FAM168A: variants seen among roughly 807,000 people sequenced by gnomAD.
FAM168A encodes the protein family with sequence similarity 168 member A, also known as protein FAM168A.
A neutral mutation model predicts 28.5 loss-of-function variants in FAM168A; 3 were observed. That is an observed-to-expected ratio of 0.11 (90% CI 0.05 to 0.27). The LOEUF (loss-of-function observed/expected upper bound fraction) is 0.27, where lower values mean the gene tolerates loss of function less well. Ranked by LOEUF, FAM168A falls within the 10% of genes least tolerant of loss-of-function variation. The pLI, the probability that FAM168A is intolerant of heterozygous loss-of-function variation, is 1.00. For missense variants in FAM168A, 222 were observed against 311.5 expected, an observed-to-expected ratio of 0.71 and a Z score of 2.16; for synonymous variants, 122 against 124.2, an observed-to-expected ratio of 0.98 and a Z score of 0.12.
At chr11:73,549,032 C>A (rs372919031) in intron 1 of FAM168A, among the ~76,000 whole-genome samples, 28 of 152,302 alleles carry the variant, frequency 1.8e-4, no homozygotes, top group African/African-American at 5.5e-4. Context: ...ACCTCCACCC[C>A]CCGAGTTCAA....
At chr11:73,492,537 G>C (rs373253165) in intron 1 of FAM168A, among the ~76,000 whole-genome samples, 4 of 152,236 alleles carry the variant, frequency 2.6e-5, no homozygotes, top group South Asian at 2.1e-4. Flanking sequence ...AGCTACACGG[G>C]GGGCTGAGGC....
intron 2 of FAM168A, among the ~76,000 whole-genome samples, chr11:73,463,839 A>T (rs770006232): frequency 2.0e-5 from 3 of 152,264 alleles, no homozygotes; most frequent in Non-Finnish European, 2.9e-5. Context: ...AAAAGGGTCC[A>T]CAAGGAGATT....
At chr11:73,520,698 G>T (rs1444399913) in intron 1 of FAM168A, among the ~76,000 whole-genome samples, 1 of 152,054 alleles carries the variant, frequency 6.6e-6, no homozygotes. Context: ...AATCAATGCT[G>T]TCACCAAAGG....
intron 1 of FAM168A, among the ~76,000 whole-genome samples, chr11:73,566,542 C>T (rs556086388): frequency 6.6e-6 from 1 of 152,262 alleles, no homozygotes; most frequent in South Asian, 2.1e-4. Flanking sequence ...TAGGGCTACA[C>T]TTGATTGCCA....
intron 1 of FAM168A, among the ~76,000 whole-genome samples, chr11:73,493,431 G>C (rs1854799040): frequency 6.6e-6 from 1 of 152,084 alleles, no homozygotes; most frequent in South Asian, 2.1e-4. Context: ...TTGTGTTTTT[G>C]AGACTGGGTC....
intron 1 of FAM168A, among the ~76,000 whole-genome samples, chr11:73,539,275 A>G (rs1041105356): frequency 6.6e-6 from 1 of 151,782 alleles, no homozygotes; most frequent in Admixed American, 6.6e-5. Context: ...TTATTTTTTT[A>G]TTTTTATTTT....
At position 73,452,843 on chromosome 11, in the gene FAM168A, T is replaced by C. The variant is rs143555696; in HGVS notation, c.70+15562A>G. On this transcript the variant is annotated intron_variant, in intron 2 of 7. Coordinates refer to ENST00000356467, the MANE Select transcript of FAM168A (RefSeq NM_015159.3). The stretch of plus-strand genomic sequence containing the variant: ...AATAATAAGTAAAATAATGACATAA[T>C]TCTCAAACTGGGTACAGGAACTCCT... Among the ~76,000 whole-genome samples the C allele has an allele frequency of 6.9e-3, 1,046 of 151,758 alleles. 13 individuals are homozygous for C. The highest frequency in any genetic ancestry group is 0.022 in the African/African-American group (914 of 41,288).
intron 1 of FAM168A, among the ~76,000 whole-genome samples, chr11:73,496,873 TCACACACA>T (rs71065011): frequency 1.8e-4 from 25 of 140,220 alleles, no homozygotes; most frequent in Admixed American, 5.0e-4. Context: ...TATGTTCTTA[TCACACACA>T]CACACACACA....
At chr11:73,474,089 C>A (rs1468094786) in intron 1 of FAM168A, among the ~76,000 whole-genome samples, 1 of 152,122 alleles carries the variant, frequency 6.6e-6, no homozygotes, top group Non-Finnish European at 1.5e-5. Flanking sequence ...AGATTACAGA[C>A]ATGGACCACC....
chr11:73,456,884 G>A (rs749905624), intron 2 of FAM168A, among the ~76,000 whole-genome samples: 9 of 152,216 alleles, frequency 5.9e-5, no homozygotes, highest in Non-Finnish European at 1.0e-4. Flanking sequence ...GGAGCTAGAT[G>A]GGCAGTAAGG....
chr11:73,417,145 G>A (rs1293117443), intron 4 of FAM168A, among the ~76,000 whole-genome samples: 5 of 152,160 alleles, frequency 3.3e-5, no homozygotes, highest in African/African-American at 1.2e-4. Flanking sequence ...CTCCATTTTT[G>A]GAGATGGTTT....
At chr11:73,492,130 T>TA (rs1235067523) in intron 1 of FAM168A, among the ~76,000 whole-genome samples, 3 of 152,194 alleles carry the variant, frequency 2.0e-5, no homozygotes, top group African/African-American at 7.2e-5. Context: ...GCCCAGACTT[T>TA]ACCCTGACTC....
chr11:73,419,233 C>G (rs1189859170), intron 4 of FAM168A, among the ~76,000 whole-genome samples: 1 of 152,208 alleles, frequency 6.6e-6, no homozygotes, highest in Admixed American at 6.5e-5. Context: ...TATGACCAGT[C>G]TGACTGGCTA....
chr11:73,411,478 G>T lies in FAM168A; in HGVS notation c.336C>A (p.Pro112=). The change falls in exon 5 of 8, where the codon CCC becomes CCA. Residue 112 remains proline (P), a synonymous_variant. Coordinates refer to ENST00000356467, the MANE Select transcript of FAM168A (RefSeq NM_015159.3). ...AGGGGTTGGGTGATGGGGAGTAGGG[G>T]GGTGGAGCAGTGTTACTCTGGGTCG... ...VPPTQSNTAP[P]PYSPSPNPYQ... 1 of 1,613,878 alleles carries T rather than the reference G, an allele frequency of 6.2e-7. No individual in the cohort carries two copies. The highest frequency in any genetic ancestry group is 8.5e-7 in the Non-Finnish European group (1 of 1,179,834).
At chr11:73,545,585 G>A (rs1029596711) in intron 1 of FAM168A, among the ~76,000 whole-genome samples, 4 of 151,434 alleles carry the variant, frequency 2.6e-5, no homozygotes, top group African/African-American at 4.9e-5. Flanking sequence ...AGTGAATTGT[G>A]TGGCATATGA....
At chr11:73,540,229 A>T (rs1397269809) in intron 1 of FAM168A, among the ~76,000 whole-genome samples, 3 of 152,236 alleles carry the variant, frequency 2.0e-5, no homozygotes, top group Non-Finnish European at 4.4e-5. Flanking sequence ...CTGATTTGAT[A>T]AAAGTAGAAT....
At chr11:73,469,212 C>T (rs1205058130) in intron 1 of FAM168A, among the ~76,000 whole-genome samples, 1 of 152,184 alleles carries the variant, frequency 6.6e-6, no homozygotes, top group East Asian at 1.9e-4. Context: ...CTTAATGAAG[C>T]ACATTCTCCA....
chr11:73,577,837 A>C (rs1300995240), intron 1 of FAM168A, among the ~76,000 whole-genome samples: 1 of 152,174 alleles, frequency 6.6e-6, no homozygotes, highest in Non-Finnish European at 1.5e-5. Flanking sequence ...ATCTGTTCAT[A>C]ATTAATAGCA....
chr11:73,467,199 C>CA (rs984184822), intron 2 of FAM168A, among the ~76,000 whole-genome samples: 3 of 151,394 alleles, frequency 2.0e-5, no homozygotes, highest in African/African-American at 4.9e-5. Context: ...TTAATAGAGA[C>CA]AAAAAAAGAT....
Sources: allele counts gnomAD v4.1 joint callset (sites outside exome capture counted in the v4.1 genomes callset), GRCh38; gene constraint gnomAD v4.1.1; transcripts MANE v1.5; gene names NCBI Gene and HGNC (gene_info 2026-07-23, HGNC 2026-07-21).